The following CPNE4 variants were observed in gnomAD, a reference collection of about 807,000 sequenced individuals.
CPNE4 encodes copine-4.
CPNE4 carries 25 observed loss-of-function variants against 67.9 expected under a neutral mutation model. That is an observed-to-expected ratio of 0.37 (90% CI 0.27 to 0.51). The LOEUF (loss-of-function observed/expected upper bound fraction) is 0.51, where lower values mean the gene tolerates loss of function less well. Ranked by LOEUF, CPNE4 falls within the 20% of genes least tolerant of loss-of-function variation. The probability of loss-of-function intolerance (pLI) is 0.93; values close to 1 mark genes in which losing one functional copy is unlikely to be tolerated. For synonymous variants in CPNE4, 242 were observed against 244.9 expected (o/e 0.99, Z 0.11); for missense variants, 464 against 690.8 (o/e 0.67, Z 3.68).
rs368845291 is a variant in CPNE4 at position 131,894,347 on chromosome 3, G to C, written c.180+10917C>G. Among the ~76,000 whole-genome samples the C allele has an allele frequency of 9.9e-5, 15 of 151,840 alleles. 1 individual carries two copies. Among genetic ancestry groups the C allele is most frequent in the African/African-American group, 3.6e-4 (15 of 41,490 alleles). On this transcript the variant is annotated intron_variant, in intron 2 of 15. Transcript: ENST00000429747. ...CAGAAAATTGACCTCAAAAGCACAA[G>C]AGAAAAAAGCAAATATATACAAATG... is the stretch of plus-strand genomic sequence containing the variant.
At chr3:131,816,862 T>C (rs1160917919) in intron 2 of CPNE4, among the ~76,000 whole-genome samples, 1 of 152,220 alleles carries the variant, frequency 6.6e-6, no homozygotes, top group Non-Finnish European at 1.5e-5. Flanking sequence ...AGGTCTATGA[T>C]TATACCGTCT....
upstream of CPNE4, chr3:132,037,920 CA>C: frequency 3.9e-6 from 1 of 257,690 alleles, no homozygotes; most frequent in Non-Finnish European, 7.5e-6. Flanking sequence ...TGCCCTGCAT[CA>C]AAAACCTTGG....
chr3:131,904,329 T>G (rs1162601351), intron 2 of CPNE4, among the ~76,000 whole-genome samples: 1 of 152,088 alleles, frequency 6.6e-6, no homozygotes, highest in African/African-American at 2.4e-5. Context: ...GATTTCCACA[T>G]GCAGGATTCA....
At chr3:131,750,844 ATT>A (rs1295839882) in intron 2 of CPNE4, among the ~76,000 whole-genome samples, 2 of 150,942 alleles carry the variant, frequency 1.3e-5, no homozygotes, top group African/African-American at 4.9e-5. Context: ...GCTGGTGACA[ATT>A]TTTTTTTAGT....
intron 1 of CPNE4, among the ~76,000 whole-genome samples, chr3:132,018,549 G>T (rs2073932715): frequency 6.6e-6 from 1 of 152,126 alleles, no homozygotes; most frequent in African/African-American, 2.4e-5. Context: ...TCTTCCCCTA[G>T]CACCCCTCAT....
chr3:131,735,194 C>T, intron 2 of CPNE4, among the ~76,000 whole-genome samples: 1 of 152,156 alleles, frequency 6.6e-6, no homozygotes, highest in Non-Finnish European at 1.5e-5. Context: ...AAAAAAGCAA[C>T]CCTATGGAAC....
At chr3:131,828,610 A>T (rs1025738014) in intron 2 of CPNE4, among the ~76,000 whole-genome samples, 16 of 152,192 alleles carry the variant, frequency 1.1e-4, no homozygotes, top group African/African-American at 3.4e-4. Context: ...TGTGTAAGTC[A>T]TTGGGTGGTT....
chr3:131,653,220 A>G (rs574494183), intron 7 of CPNE4, among the ~76,000 whole-genome samples: 1 of 138,262 alleles, frequency 7.2e-6, no homozygotes, highest in African/African-American at 2.8e-5. Flanking sequence ...ATCTCGGCTC[A>G]CTGCAAGCTC....
At chr3:131,982,437 G>GAC (rs1475151109) in intron 1 of CPNE4, among the ~76,000 whole-genome samples, 4 of 152,114 alleles carry the variant, frequency 2.6e-5, no homozygotes, top group African/African-American at 9.7e-5. Context: ...GTCCTTTATT[G>GAC]CAAAAATGAA....
intron 2 of CPNE4, among the ~76,000 whole-genome samples, chr3:131,837,561 A>C (rs1040491535): frequency 1.1e-4 from 17 of 152,040 alleles, no homozygotes; most frequent in Admixed American, 1.3e-4. Flanking sequence ...AAGGGATAAC[A>C]CAGGGAGATT....
intron 1 of CPNE4, among the ~76,000 whole-genome samples, chr3:131,958,880 G>A (rs141713706): frequency 0.026 from 3,815 of 148,998 alleles, 77 homozygotes; most frequent in Middle Eastern, 0.056. Context: ...GTCCGGTCTC[G>A]AACTCCCGAC....
chr3:131,870,119 A>T (rs2087132285), intron 2 of CPNE4, among the ~76,000 whole-genome samples: 1 of 152,090 alleles, frequency 6.6e-6, no homozygotes, highest in Non-Finnish European at 1.5e-5. Context: ...CCTCAGAAGA[A>T]CACACAGCAT....
chr3:131,658,311 A>G (rs534618442), intron 7 of CPNE4, among the ~76,000 whole-genome samples: 60 of 152,282 alleles, frequency 3.9e-4, no homozygotes, highest in African/African-American at 1.4e-3. Flanking sequence ...GCCATGCAGC[A>G]CGAGTGGCCT....
At chr3:131,581,782 C>T in intron 8 of CPNE4, 117 bp from the exon 9 acceptor site, 4 of 724,264 alleles carry the variant, frequency 5.5e-6, no homozygotes, top group Non-Finnish European at 1.0e-5. Context: ...CAAATAGTCT[C>T]TAGGTGGTAA....
intron 1 of CPNE4, among the ~76,000 whole-genome samples, chr3:131,937,053 A>G (rs1249885493): frequency 6.6e-6 from 1 of 152,126 alleles, no homozygotes; most frequent in Non-Finnish European, 1.5e-5. Flanking sequence ...AAGAAGAACC[A>G]ACCTATGCAT....
intron 6 of CPNE4, among the ~76,000 whole-genome samples, chr3:131,685,174 A>G (rs184156206): frequency 4.3e-5 from 6 of 138,984 alleles, no homozygotes; most frequent in Admixed American, 1.4e-4. Flanking sequence ...CAACTGTAAA[A>G]TGGGGGTCAT....
intron 2 of CPNE4, among the ~76,000 whole-genome samples, chr3:131,836,544 G>T (rs1376492861): frequency 6.6e-6 from 1 of 152,104 alleles, no homozygotes; most frequent in African/African-American, 2.4e-5. Context: ...CAAAGATCAG[G>T]AACAAGGCAA....
At chr3:131,602,746 T>C (rs1202904583) in intron 7 of CPNE4, among the ~76,000 whole-genome samples, 1 of 152,170 alleles carries the variant, frequency 6.6e-6, no homozygotes, top group Non-Finnish European at 1.5e-5. Flanking sequence ...TCTGTCTTCA[T>C]TATCAAAGTC....
At chr3:131,978,186 AT>A (rs1463249495) in intron 1 of CPNE4, among the ~76,000 whole-genome samples, 13 of 56,044 alleles carry the variant, frequency 2.3e-4, no homozygotes, top group African/African-American at 7.5e-4. Context: ...AATATATATA[AT>A]ATATTTATAA....
Sources: allele counts gnomAD v4.1 joint callset (sites outside exome capture counted in the v4.1 genomes callset), GRCh38; gene constraint gnomAD v4.1.1; transcripts MANE v1.5; gene names NCBI Gene and HGNC (gene_info 2026-07-23, HGNC 2026-07-21).